SGCZ: variants seen among roughly 807,000 people sequenced by gnomAD.
SGCZ encodes zeta-sarcoglycan.
SGCZ carries 40 observed loss-of-function variants against 41.3 expected under a neutral mutation model. The observed-to-expected ratio is 0.97, with a 90% CI of 0.75 to 1.26. The LOEUF (loss-of-function observed/expected upper bound fraction) is 1.26. Ranked by LOEUF, SGCZ falls within the 50% of genes most tolerant of loss-of-function variation. The pLI is 0.00. For missense variants in SGCZ, 552 were observed against 369.8 expected, an observed-to-expected ratio of 1.49 and a Z score of -4.04; for synonymous variants, 206 against 137.5, an observed-to-expected ratio of 1.50 and a Z score of -3.49.
chr8:14,344,330 C>G (rs755505991), intron 2 of SGCZ, among the ~76,000 whole-genome samples: 13 of 150,056 alleles, frequency 8.7e-5, no homozygotes, highest in Non-Finnish European at 1.8e-4. Flanking sequence ...AAACTGGAAC[C>G]AGGAAAAATA....
At chr8:15,055,055 C>A (rs1214453753) in intron 1 of SGCZ, among the ~76,000 whole-genome samples, 3 of 152,046 alleles carry the variant, frequency 2.0e-5, no homozygotes, top group Admixed American at 2.0e-4. Flanking sequence ...CTAAGTAGCT[C>A]CCCTTTACCT....
intron 1 of SGCZ, among the ~76,000 whole-genome samples, chr8:15,178,096 A>G (rs1221339972): frequency 6.6e-6 from 1 of 152,096 alleles, no homozygotes; most frequent in African/African-American, 2.4e-5. Flanking sequence ...TCCCCAGGAC[A>G]CTGCCTCCTG....
At chr8:14,999,090 T>C (rs1802317945) in intron 1 of SGCZ, among the ~76,000 whole-genome samples, 1 of 152,216 alleles carries the variant, frequency 6.6e-6, no homozygotes, top group Non-Finnish European at 1.5e-5. Flanking sequence ...TAGGGTGTTA[T>C]CTCTTACTGA....
chr8:14,582,850 G>C (rs1432215241), intron 1 of SGCZ, among the ~76,000 whole-genome samples: 1 of 150,620 alleles, frequency 6.6e-6, no homozygotes, highest in Non-Finnish European at 1.5e-5. Flanking sequence ...ATCATTTTTT[G>C]TGGCTGCATA....
chr8:14,436,278 G>T (rs556810370), intron 2 of SGCZ, among the ~76,000 whole-genome samples: 2 of 152,190 alleles, frequency 1.3e-5, no homozygotes, highest in African/African-American at 4.8e-5. Flanking sequence ...GGAGGAGAAA[G>T]GAGAGGACAG....
At chr8:14,433,198 G>A (rs1799995399) in intron 2 of SGCZ, among the ~76,000 whole-genome samples, 1 of 152,066 alleles carries the variant, frequency 6.6e-6, no homozygotes, top group South Asian at 2.1e-4. Flanking sequence ...TGCTACCTGG[G>A]ATTAAGCAAC....
intron 1 of SGCZ, among the ~76,000 whole-genome samples, chr8:15,039,105 T>C (rs2130973394): frequency 6.6e-6 from 1 of 152,258 alleles, no homozygotes; most frequent in Non-Finnish European, 1.5e-5. Flanking sequence ...AACTGCCATA[T>C]GATCCAGCAA....
chr8:14,760,814 T>C (rs761725186), intron 1 of SGCZ, among the ~76,000 whole-genome samples: 1 of 152,326 alleles, frequency 6.6e-6, no homozygotes, highest in Admixed American at 6.5e-5. Flanking sequence ...AAAAAGTTTA[T>C]TTGTTGTTCA....
intron 1 of SGCZ, among the ~76,000 whole-genome samples, chr8:14,903,875 C>T (rs1037785625): frequency 6.6e-6 from 1 of 151,870 alleles, no homozygotes; most frequent in African/African-American, 2.4e-5. Context: ...AATAAATATA[C>T]AGAAATCTAG....
At chr8:14,882,012 T>C (rs1438303801) in intron 1 of SGCZ, among the ~76,000 whole-genome samples, 5 of 152,156 alleles carry the variant, frequency 3.3e-5, no homozygotes, top group African/African-American at 1.2e-4. Context: ...CATCAAAAAG[T>C]TCATTGAAAC....
At position 14,090,533 on chromosome 8, in the gene SGCZ, G is replaced by C; in HGVS notation, c.849C>G (p.Leu283=). 6.2e-7 allele frequency: 1 copy of C among 1,613,124 alleles called. No homozygotes were observed. The highest frequency in any genetic ancestry group is 8.5e-7 in the Non-Finnish European group (1 of 1,179,436). The change falls in exon 8 of 8, where the codon CTC becomes CTG. Residue 283 remains leucine, a synonymous_variant. Coordinates refer to ENST00000382080, the MANE Select transcript of SGCZ (RefSeq NM_139167.4). ...SSSSRQTVYE[L]CVCPNGKLYL... is the part of the protein sequence containing the mutation. ...AAAGTTTGCCATTGGGGCAGACGCA[G>C]AGTTCATACACTGTCTGTCGAGAAC...
intron 3 of SGCZ, among the ~76,000 whole-genome samples, chr8:14,289,995 G>GTGAGAACTCCAGCAT (rs1800785066): frequency 6.6e-6 from 1 of 151,418 alleles, no homozygotes; most frequent in Non-Finnish European, 1.5e-5. Context: ...TTAAACAGCA[G>GTGAGAACTCCAGCAT]ATCTTGTGAG....
chr8:14,695,475 A>AT (rs1808928945), intron 1 of SGCZ, among the ~76,000 whole-genome samples: 1 of 152,116 alleles, frequency 6.6e-6, no homozygotes, highest in South Asian at 2.1e-4. Flanking sequence ...CATAACATCT[A>AT]TTATGGCAGG....
chr8:15,109,259 G>A (rs1328499610), intron 1 of SGCZ, among the ~76,000 whole-genome samples: 1 of 152,032 alleles, frequency 6.6e-6, no homozygotes, highest in Non-Finnish European at 1.5e-5. Flanking sequence ...AATGTTTTTA[G>A]AATTTCTTTT....
intron 1 of SGCZ, among the ~76,000 whole-genome samples, chr8:14,930,497 A>G (rs1464602711): frequency 1.3e-5 from 2 of 152,050 alleles, no homozygotes; most frequent in Non-Finnish European, 2.9e-5. Context: ...TATATACCCA[A>G]AGGATTATAA....
intron 1 of SGCZ, among the ~76,000 whole-genome samples, chr8:15,041,562 A>G (rs1804097436): frequency 6.6e-6 from 1 of 152,110 alleles, no homozygotes; most frequent in Non-Finnish European, 1.5e-5. Flanking sequence ...TTAATCAAAC[A>G]ATCATGAGAA....
chr8:14,577,798 G>C (rs1804760687), intron 1 of SGCZ, among the ~76,000 whole-genome samples: 1 of 152,276 alleles, frequency 6.6e-6, no homozygotes, highest in Admixed American at 6.5e-5. Context: ...TTGAGATTCT[G>C]TGTGTATTGT....
rs371133973 is a variant in SGCZ, at chr8:14,554,941, A to C, written c.40-15T>G. 1 of 1,526,344 alleles carries C rather than the reference A, an allele frequency of 6.6e-7. No homozygotes were observed. Among genetic ancestry groups the C allele is most frequent in the South Asian group, 1.3e-5 (1 of 77,414 alleles). 94.6% of individuals were successfully genotyped at this position (1,526,344 alleles called of 1,614,324 possible). On this transcript the variant is annotated splice_polypyrimidine_tract_variant and intron_variant, in intron 1 of 7. Transcript: ENST00000382080. ...TCTCGTGTCATCTGAAAAAGAAAAA[A>C]GAAAGAAAGAGAAAGAAGGAAAAAA...
chr8:14,895,164 TA>T (rs1805148904), intron 1 of SGCZ, among the ~76,000 whole-genome samples: 1 of 152,208 alleles, frequency 6.6e-6, no homozygotes, highest in African/African-American at 2.4e-5. Context: ...AGTAAGTTAA[TA>T]ATTATTGATT....
Sources: gnomAD v4.1 joint callset for allele counts (sites outside exome capture counted in the v4.1 genomes callset) on GRCh38, gnomAD v4.1.1 for gene constraint, MANE v1.5 for transcripts, NCBI Gene and HGNC (gene_info 2026-07-23, HGNC 2026-07-21) for gene names.